DAPP1: variants seen among roughly 807,000 people sequenced by gnomAD.
DAPP1 encodes the protein dual adaptor of phosphotyrosine and 3-phosphoinositides 1.
Under a neutral mutation model 41.5 loss-of-function variants are expected in DAPP1, and 20 were observed. The observed-to-expected ratio is 0.48, with a 90% CI of 0.34 to 0.70. The LOEUF (loss-of-function observed/expected upper bound fraction) is 0.70. Ranked by LOEUF, DAPP1 falls within the 30% of genes least tolerant of loss-of-function variation. The pLI is 0.01. For missense variants in DAPP1, 233 were observed against 333.4 expected, an observed-to-expected ratio of 0.70 and a Z score of 2.35; for synonymous variants, 113 against 116.2, an observed-to-expected ratio of 0.97 and a Z score of 0.18.
chr4:99,823,713 G>A (rs1722848411), intron 1 of DAPP1, among the ~76,000 whole-genome samples: 1 of 152,150 alleles, frequency 6.6e-6, no homozygotes, highest in South Asian at 2.1e-4. Flanking sequence ...TAGTCATCAT[G>A]TTTTGTTTTT....
At chr4:99,867,541 G>T (rs992283364) in intron 8 of DAPP1, among the ~76,000 whole-genome samples, 8 of 152,188 alleles carry the variant, frequency 5.3e-5, no homozygotes, top group African/African-American at 1.9e-4. Flanking sequence ...TTGCTAGAGG[G>T]AATGAAAATG....
chr4:99,824,447 G>A (rs1470775734), intron 1 of DAPP1, among the ~76,000 whole-genome samples: 1 of 152,114 alleles, frequency 6.6e-6, no homozygotes, highest in Non-Finnish European at 1.5e-5. Flanking sequence ...TTTTACTGGT[G>A]GAATAAATTG....
chr4:99,865,677 C>T (rs1248237839), intron 7 of DAPP1: 1 of 151,536 alleles, frequency 6.6e-6, no homozygotes, highest in Non-Finnish European at 1.5e-5. Context: ...AGACATGAAC[C>T]ACAAAAGGAT....
intron 1 of DAPP1, among the ~76,000 whole-genome samples, chr4:99,831,494 C>T (rs1403349577): frequency 1.3e-5 from 2 of 152,210 alleles, no homozygotes; most frequent in African/African-American, 4.8e-5. Flanking sequence ...ATCCTTTTAG[C>T]ACTCCACTTT....
At chr4:99,824,690 G>A (rs758086839) in intron 1 of DAPP1, among the ~76,000 whole-genome samples, 1 of 152,178 alleles carries the variant, frequency 6.6e-6, no homozygotes, top group Non-Finnish European at 1.5e-5. Context: ...TGAGGGATAA[G>A]TTACAAGAGT....
At position 99,851,534 on chromosome 4, in the gene DAPP1, G is replaced by GTTTTT. The variant is rs537614787; in HGVS notation, c.359-1664_359-1660dup. On this transcript the variant is annotated intron_variant, in intron 3 of 8. Transcript: ENST00000512369. ...TCATAGACAGGTTTTGTTTTGTGTA[G>GTTTTT]TTTTTTTTTTTTTTTTTTTTTTTTG... 2.5e-3 allele frequency among the ~76,000 whole-genome samples: 198 copies of GTTTTT among 77,784 alleles called. 3 individuals carry two copies. Among genetic ancestry groups the GTTTTT allele is most frequent in the Non-Finnish European group, 3.6e-3 (153 of 42,506 alleles). 51.0% of individuals were successfully genotyped at this position (77,784 alleles called of 152,430 possible). A position where few individuals can be genotyped will look rare whatever the true frequency, so the allele number is the denominator to read the frequency against.
chr4:99,835,197 C>T (rs185770553), intron 1 of DAPP1, among the ~76,000 whole-genome samples: 45 of 151,998 alleles, frequency 3.0e-4, no homozygotes, highest in Admixed American at 4.6e-4. Flanking sequence ...TTAATGGAGA[C>T]GGGGTGTCAC....
At chr4:99,840,263 A>T (rs766591104) in intron 2 of DAPP1, 26 bp from the exon 3 acceptor site, 1 of 1,417,562 alleles carries the variant, frequency 7.1e-7, no homozygotes, top group East Asian at 2.5e-5. Context: ...GTTAAATAAT[A>T]TTAAATACTT....
chr4:99,819,612 T>C (rs868048917), intron 1 of DAPP1, among the ~76,000 whole-genome samples: 2 of 152,178 alleles, frequency 1.3e-5, no homozygotes, highest in South Asian at 4.1e-4. Context: ...AACCTTCTGA[T>C]TAATTTAGTT....
At chr4:99,859,508 C>T (rs985095145) in intron 4 of DAPP1, among the ~76,000 whole-genome samples, 3 of 152,136 alleles carry the variant, frequency 2.0e-5, no homozygotes, top group Admixed American at 1.3e-4. Context: ...ATTCATTCAT[C>T]GATCCATGAG....
intron 4 of DAPP1, among the ~76,000 whole-genome samples, chr4:99,856,442 A>G (rs868454113): frequency 5.9e-5 from 9 of 152,306 alleles, no homozygotes; most frequent in Non-Finnish European, 7.3e-5. Context: ...GAGGTGCTTC[A>G]AAGGCTAGGA....
chr4:99,857,701 TAC>T (rs140943788), intron 4 of DAPP1, among the ~76,000 whole-genome samples: 7,248 of 142,724 alleles, frequency 0.051, 181 homozygotes, highest in Non-Finnish European at 0.054. Flanking sequence ...TGTATGTATA[TAC>T]ACACACACAC....
chr4:99,857,068 C>A (rs920038831), intron 4 of DAPP1, among the ~76,000 whole-genome samples: 1 of 152,102 alleles, frequency 6.6e-6, no homozygotes, highest in Admixed American at 6.5e-5. Flanking sequence ...ACAAGAGACC[C>A]GTGGAGATTA....
chr4:99,845,141 G>A (rs1222615587), intron 3 of DAPP1, among the ~76,000 whole-genome samples: 1 of 152,146 alleles, frequency 6.6e-6, no homozygotes, highest in Non-Finnish European at 1.5e-5. Context: ...TGCATACAAC[G>A]GTCCTATTTT....
At chr4:99,845,960 T>C (rs942521297) in intron 3 of DAPP1, among the ~76,000 whole-genome samples, 1 of 152,220 alleles carries the variant, frequency 6.6e-6, no homozygotes, top group African/African-American at 2.4e-5. Context: ...ATGAATATTG[T>C]ACATTTACAG....
chr4:99,840,703 A>G (rs1723466341), intron 3 of DAPP1, among the ~76,000 whole-genome samples: 1 of 152,214 alleles, frequency 6.6e-6, no homozygotes, highest in Admixed American at 6.5e-5. Flanking sequence ...TTGATTACTC[A>G]TAATTTCAGA....
chr4:99,840,036 TG>T (rs1257801751), intron 2 of DAPP1, among the ~76,000 whole-genome samples: 5 of 152,148 alleles, frequency 3.3e-5, no homozygotes, highest in African/African-American at 1.2e-4. Context: ...CACTCCAGCC[TG>T]GGGGACAGAG....
intron 3 of DAPP1, among the ~76,000 whole-genome samples, chr4:99,841,824 A>G (rs2110148564): frequency 6.6e-6 from 1 of 152,350 alleles, no homozygotes; most frequent in Non-Finnish European, 1.5e-5. Flanking sequence ...ATGGATAACT[A>G]TGAGTAAGAA....
At position 99,869,150 on chromosome 4, in the gene DAPP1, G is replaced by T. The variant is rs15924; in HGVS notation, c.*965G>T. 7 of 152,164 alleles carry T rather than the reference G, an allele frequency of 4.6e-5. No individual in the cohort carries two copies. The East Asian group carries it at 1.4e-3, about 29-fold the overall frequency. The allele number at this position is 152,164 out of a possible 1,614,324, so 9.4% of individuals were successfully genotyped here. ...GCCCAAGAGATGTAAGAAAAATCTC[G>T]CATTGCTCCCTAAGCACCCTGGGCC... On this transcript the variant is annotated 3_prime_UTR_variant, in exon 9 of 9. Coordinates refer to ENST00000512369, the MANE Select transcript of DAPP1 (RefSeq NM_014395.3).
Sources: allele counts gnomAD v4.1 joint callset (sites outside exome capture counted in the v4.1 genomes callset), GRCh38; gene constraint gnomAD v4.1.1; transcripts MANE v1.5; gene names NCBI Gene and HGNC (gene_info 2026-07-23, HGNC 2026-07-21).